Variants in KCNAB1 observed in about 807,000 individuals in gnomAD.
The protein encoded by KCNAB1 is voltage-gated potassium channel subunit beta-1.
A neutral mutation model predicts 64.6 loss-of-function variants in KCNAB1; 35 were observed. The ratio of observed to expected loss-of-function variants is 0.54; its 90% CI spans 0.41 to 0.72. The LOEUF (loss-of-function observed/expected upper bound fraction) is 0.72, where lower values mean the gene tolerates loss of function less well. Among genes scored for constraint, KCNAB1 ranks in the 30% least tolerant of loss-of-function variants. The pLI, the probability that KCNAB1 is intolerant of heterozygous loss-of-function variation, is 0.00. For missense variants in KCNAB1, 401 were observed against 512.9 expected (o/e 0.78, Z 2.11); for synonymous variants, 177 against 183.8 (o/e 0.96, Z 0.30).
chr3:156,506,418 T>C (rs1268954181), intron 8 of KCNAB1, among the ~76,000 whole-genome samples: 1 of 152,184 alleles, frequency 6.6e-6, no homozygotes, highest in East Asian at 1.9e-4. Context: ...ATAACCTATT[T>C]CACATTTTAG....
intron 1 of KCNAB1, among the ~76,000 whole-genome samples, chr3:156,390,941 A>T (rs1712997408): frequency 6.6e-6 from 1 of 152,004 alleles, no homozygotes; most frequent in Non-Finnish European, 1.5e-5. Flanking sequence ...CCCAGTTGCG[A>T]GTGTTCCCAG....
intron 1 of KCNAB1, among the ~76,000 whole-genome samples, chr3:156,407,173 C>T (rs1714304742): frequency 6.6e-6 from 1 of 152,156 alleles, no homozygotes; most frequent in African/African-American, 2.4e-5. Context: ...CTCATCTGGT[C>T]CTGCTCTCTC....
At chr3:156,377,561 C>G (rs1238746367) in intron 1 of KCNAB1, among the ~76,000 whole-genome samples, 1 of 152,082 alleles carries the variant, frequency 6.6e-6, no homozygotes, top group Non-Finnish European at 1.5e-5. Flanking sequence ...GAGGTGAAGG[C>G]CTGACTTGTC....
chr3:156,488,970 G>A (rs1715425160), intron 8 of KCNAB1, among the ~76,000 whole-genome samples: 1 of 152,132 alleles, frequency 6.6e-6, no homozygotes, highest in African/African-American at 2.4e-5. Context: ...TCACCAAAAG[G>A]ATGGAGTTGC....
intron 1 of KCNAB1, among the ~76,000 whole-genome samples, chr3:156,347,111 G>A (rs1041154218): frequency 3.9e-5 from 6 of 151,984 alleles, no homozygotes; most frequent in African/African-American, 1.5e-4. Flanking sequence ...TACGCTTAAG[G>A]TTAAAAAAGG....
chr3:156,229,277 G>A (rs1716374630), intron 1 of KCNAB1, among the ~76,000 whole-genome samples: 1 of 152,070 alleles, frequency 6.6e-6, no homozygotes, highest in Non-Finnish European at 1.5e-5. Flanking sequence ...TTATAATTAT[G>A]GTGGAAGGCA....
At chr3:156,255,980 C>T (rs1718078062) in intron 1 of KCNAB1, among the ~76,000 whole-genome samples, 1 of 152,078 alleles carries the variant, frequency 6.6e-6, no homozygotes, top group Non-Finnish European at 1.5e-5. Context: ...GGAGCAGCGC[C>T]CAGAGTGCGG....
intron 1 of KCNAB1, among the ~76,000 whole-genome samples, chr3:156,228,218 C>G (rs1021165159): frequency 2.0e-5 from 3 of 152,040 alleles, no homozygotes; most frequent in Non-Finnish European, 4.4e-5. Flanking sequence ...TCCTTGCCCT[C>G]AGATAGTGCA....
chr3:156,357,549 C>G (rs531019312), intron 1 of KCNAB1, among the ~76,000 whole-genome samples: 17 of 152,204 alleles, frequency 1.1e-4, no homozygotes, highest in African/African-American at 4.1e-4. Context: ...CTGTTTCAAA[C>G]TTTTAAATGA....
chr3:156,279,326 A>G (rs1194560495), intron 1 of KCNAB1, among the ~76,000 whole-genome samples: 2 of 152,038 alleles, frequency 1.3e-5, no homozygotes, highest in East Asian at 3.9e-4. Flanking sequence ...ATAGTATTCC[A>G]TGGTGTATAT....
At chr3:156,287,817 G>T (rs77583393) in intron 1 of KCNAB1, among the ~76,000 whole-genome samples, 3 of 150,878 alleles carry the variant, frequency 2.0e-5, no homozygotes. Flanking sequence ...AAAAAAACTC[G>T]AAATACAACT....
At chr3:156,391,579 T>C (rs564745265) in intron 1 of KCNAB1, among the ~76,000 whole-genome samples, 1 of 152,214 alleles carries the variant, frequency 6.6e-6, no homozygotes, top group Non-Finnish European at 1.5e-5. Context: ...AATTGCTTCT[T>C]CCTGGGTTTA....
rs991730988 is a variant in KCNAB1 at position 156,284,497 on chromosome 3, A to G, written c.276-137119A>G. Reference sequence around the variant, plus strand: ...CCTTGAGCTGTGGTGGGCTCCACCCAGTTTGAGCTTCCAGGCTGCTTTGTT... The same window carrying G: ...CCTTGAGCTGTGGTGGGCTCCACCCGGTTTGAGCTTCCAGGCTGCTTTGTT... On this transcript the variant is annotated intron_variant, in intron 1 of 13. Transcript: ENST00000490337. Among the ~76,000 whole-genome samples the G allele has an allele frequency of 6.6e-4, 100 of 152,302 alleles. 1 individual carries two copies. Among genetic ancestry groups the G allele is most frequent in the African/African-American group, 1.8e-3 (76 of 41,582 alleles).
intron 1 of KCNAB1, among the ~76,000 whole-genome samples, chr3:156,347,506 AG>A (rs1262724427): frequency 6.6e-6 from 1 of 152,234 alleles, no homozygotes; most frequent in Non-Finnish European, 1.5e-5. Context: ...AGAATCAATA[AG>A]TTTGGACTTC....
intron 1 of KCNAB1, among the ~76,000 whole-genome samples, chr3:156,156,374 G>A (rs1242400440): frequency 6.6e-6 from 1 of 152,190 alleles, no homozygotes; most frequent in Non-Finnish European, 1.5e-5. Context: ...GGTGTGACAT[G>A]ATTTGAATTA....
intron 1 of KCNAB1, among the ~76,000 whole-genome samples, chr3:156,250,339 C>A (rs1266258621): frequency 6.6e-6 from 1 of 152,120 alleles, no homozygotes; most frequent in Admixed American, 6.5e-5. Flanking sequence ...TTCTTCAAAG[C>A]CTGTTTTACA....
chr3:156,156,590 C>T (rs1007321242), intron 1 of KCNAB1, among the ~76,000 whole-genome samples: 1 of 152,088 alleles, frequency 6.6e-6, no homozygotes, highest in Non-Finnish European at 1.5e-5. Flanking sequence ...ATATGATATG[C>T]AATAAAGGGA....
At chr3:156,241,006 C>T (rs1261091438) in intron 1 of KCNAB1, among the ~76,000 whole-genome samples, 1 of 152,136 alleles carries the variant, frequency 6.6e-6, no homozygotes, top group Non-Finnish European at 1.5e-5. Flanking sequence ...GGTGAGGGAG[C>T]TGGGGTATTT....
chr3:156,516,209 C>A, intron 10 of KCNAB1, 61 bp from the exon 11 acceptor site: 1 of 1,216,172 alleles, frequency 8.2e-7, no homozygotes, highest in East Asian at 2.3e-5. Context: ...ACTGCCCCCA[C>A]CGCCACCCAC....
Sources: gnomAD v4.1 joint callset for allele counts (sites outside exome capture counted in the v4.1 genomes callset) on GRCh38, gnomAD v4.1.1 for gene constraint, MANE v1.5 for transcripts, NCBI Gene and HGNC (gene_info 2026-07-23, HGNC 2026-07-21) for gene names.